The following DCLRE1C variants were observed in gnomAD, a reference collection of about 807,000 sequenced individuals.
DCLRE1C encodes the protein protein artemis.
DCLRE1C carries 47 observed loss-of-function variants against 61.4 expected under a neutral mutation model. The ratio of observed to expected loss-of-function variants is 0.77; its 90% CI spans 0.61 to 0.98. The LOEUF (loss-of-function observed/expected upper bound fraction) is 0.98, where lower values mean the gene tolerates loss of function less well. DCLRE1C is among the 50% of genes least tolerant of loss of function. The probability of loss-of-function intolerance (pLI) is 0.00; values close to 1 mark genes in which losing one functional copy is unlikely to be tolerated. For missense variants in DCLRE1C, 858 were observed against 816.0 expected, an observed-to-expected ratio of 1.05 and a Z score of -0.63; for synonymous variants, 337 against 287.6, an observed-to-expected ratio of 1.17 and a Z score of -1.74.
chr10:14,901,537 C>T (rs1005799365), downstream of DCLRE1C, among the ~76,000 whole-genome samples: 1 of 151,398 alleles, frequency 6.6e-6, no homozygotes, highest in Non-Finnish European at 1.5e-5. Context: ...TAATACTGTA[C>T]TACTTGTCTT....
rs762532423 is a variant in DCLRE1C, at chr10:14,934,444, T to A, written c.614A>T (p.Asn205Ile). 8.1e-6 allele frequency: 13 copies of A among 1,614,028 alleles called. No individual in the cohort carries two copies. The highest frequency in any genetic ancestry group is 1.1e-5 in the Non-Finnish European group (13 of 1,180,046). ...TRSPYHVVWLNCKAAYGYEYL... is the reference protein window; with the variant it reads ...TRSPYHVVWLICKAAYGYEYL... ...TTCATAGCCATAAGCCGCTTTGCAG[T>A]TCAGCCACACAACATGGTACGGGCT... is the stretch of plus-strand genomic sequence containing the variant. Residue 205 changes from asparagine (N) to isoleucine (I), a missense_variant, in exon 8 of 14, where the codon AAC becomes ATC. Asn to Ile is a moderately radical substitution (Grantham distance 149). This residue lies in a region of DCLRE1C where 843 missense variants were observed against 783.5 expected (regional missense o/e 1.08). Coordinates refer to ENST00000378278, the MANE Select transcript of DCLRE1C (RefSeq NM_001033855.3).
chr10:14,948,773 T>C (rs1440254954), intron 2 of DCLRE1C, among the ~76,000 whole-genome samples: 1 of 147,544 alleles, frequency 6.8e-6, no homozygotes, highest in East Asian at 2.0e-4. Context: ...GGTAGGATTA[T>C]ATATATATAT....
chr10:14,919,332 AATG>A (rs41299726), intron 13 of DCLRE1C, among the ~76,000 whole-genome samples: 1,905 of 152,316 alleles, frequency 0.013, 37 homozygotes, highest in African/African-American at 0.042. Flanking sequence ...CTTGATCAGA[AATG>A]ATGATGAGAA....
At chr10:14,912,718 C>G (rs1393210593) in intron 13 of DCLRE1C, among the ~76,000 whole-genome samples, 1 of 152,210 alleles carries the variant, frequency 6.6e-6, no homozygotes, top group Non-Finnish European at 1.5e-5. Context: ...GAGACAGAGT[C>G]TCGCTCTGTC....
rs1481498736 is a variant in DCLRE1C at position 14,908,399 on chromosome 10, T to C, written c.*9A>G. On this transcript the variant is annotated 3_prime_UTR_variant, in exon 14 of 14. Transcript: ENST00000378278. Reference sequence around the variant, plus strand: ...TAGTGGTTGCTCTAGGTTGAAACGCTTTGAATTCTTAGGTATCTAAGAGTG... The same window carrying C: ...TAGTGGTTGCTCTAGGTTGAAACGCCTTGAATTCTTAGGTATCTAAGAGTG... 2 of 1,609,746 alleles carry C rather than the reference T, an allele frequency of 1.2e-6. No individual in the cohort carries two copies. Among genetic ancestry groups the C allele is most frequent in the African/African-American group, 2.7e-5 (2 of 74,800 alleles).
Position 14,928,096 on chromosome 10 carries a change from T to G in DCLRE1C, c.837A>C (p.Arg279Ser), listed in dbSNP as rs1452524557. 6.2e-7 allele frequency: 1 copy of G among 1,613,698 alleles called. No homozygotes were observed. Among genetic ancestry groups the G allele is most frequent in the Non-Finnish European group, 8.5e-7 (1 of 1,179,722 alleles). Residue 279 changes from arginine to serine, a missense_variant, in exon 10 of 14, where the codon AGA becomes AGC. Physicochemically the swap from Arg to Ser is moderately radical, Grantham distance 110. Around this residue, in one of 2 missense-constraint regions of DCLRE1C, gnomAD observed 843 missense variants for 783.5 expected, o/e 1.08. Transcript: ENST00000378278. ...TAATGCTGATTATGTGGAGTGGAAT[T>G]CTATTTCTGGAAGTAATTCCACAGG... Reference protein sequence around the residue: ...KLPCGITSRNRIPLHIISIKP... With the variant: ...KLPCGITSRNSIPLHIISIKP...
At chr10:14,934,984 T>G (rs1442824921) in intron 6 of DCLRE1C, among the ~76,000 whole-genome samples, 1 of 151,652 alleles carries the variant, frequency 6.6e-6, no homozygotes. Flanking sequence ...CACCACACCT[T>G]GCTAATTTTT....
intron 5 of DCLRE1C, 73 bp downstream of exon 5, chr10:14,936,465 C>A (rs1207059508): frequency 1.9e-5 from 24 of 1,263,196 alleles, no homozygotes; most frequent in Non-Finnish European, 2.5e-5. Flanking sequence ...AATTTTAGAC[C>A]CTAAAAATTT....
Position 14,936,597 on chromosome 10 carries a change from A to C in DCLRE1C, c.307-4T>G. ...GAGTCACAACAATCTCTTCCTTCTAAAAAGAAAATAAAGAAAAAATAGTAA... is the reference window on the plus strand; with the variant it reads ...GAGTCACAACAATCTCTTCCTTCTACAAAGAAAATAAAGAAAAAATAGTAA... On this transcript the variant is annotated splice_polypyrimidine_tract_variant and splice_region_variant and intron_variant, in intron 4 of 13. Coordinates refer to ENST00000378278, the MANE Select transcript of DCLRE1C (RefSeq NM_001033855.3). 1 of 1,609,772 alleles carries C rather than the reference A, an allele frequency of 6.2e-7. No individual in the cohort carries two copies. The highest frequency in any genetic ancestry group is 8.5e-7 in the Non-Finnish European group (1 of 1,176,548).
At position 14,936,463 on chromosome 10, in the gene DCLRE1C, A is replaced by C. The variant is rs1839937216; in HGVS notation, c.362+75T>G. The C allele has an allele frequency of 2.5e-6, 3 of 1,212,370 alleles. No individual in the cohort carries two copies. The South Asian group carries it at 3.8e-5, about 15-fold the overall frequency. The allele number at this position is 1,212,370 out of a possible 1,614,324, so 75.1% of individuals were successfully genotyped here. A position where few individuals can be genotyped will look rare whatever the true frequency, so the allele number is the denominator to read the frequency against. ...GCACCCAGCCCCCTATTAATTTTAGACCCTAAAAATTTATTTCTACAAATA... is the reference window on the plus strand; with the variant it reads ...GCACCCAGCCCCCTATTAATTTTAGCCCCTAAAAATTTATTTCTACAAATA... On this transcript the variant is annotated intron_variant, in intron 5 of 13. Transcript: ENST00000378278.
At chr10:14,954,112 A>T, upstream of DCLRE1C, 1 of 1,582,528 alleles carries the variant, frequency 6.3e-7, no homozygotes, top group East Asian at 2.3e-5. Flanking sequence ...CTGCCTCGCC[A>T]TTGGGCGGCC....
chr10:14,909,847 G>A (rs549365955), intron 13 of DCLRE1C, among the ~76,000 whole-genome samples: 1 of 152,232 alleles, frequency 6.6e-6, no homozygotes, highest in African/African-American at 2.4e-5. Context: ...TTATGCACAA[G>A]GTTGCAACAG....
intron 13 of DCLRE1C, among the ~76,000 whole-genome samples, chr10:14,915,205 C>T (rs76473329): frequency 0.012 from 1,774 of 151,990 alleles, 41 homozygotes; most frequent in African/African-American, 0.041. Context: ...CTCAAATCAA[C>T]GACCTCAGCT....
chr10:14,917,291 A>G (rs1283179719), intron 13 of DCLRE1C, among the ~76,000 whole-genome samples: 1 of 152,224 alleles, frequency 6.6e-6, no homozygotes. Context: ...TAAAATTGTA[A>G]CAACTTCTGG....
At chr10:14,909,499 A>G (rs375028842) in intron 13 of DCLRE1C, among the ~76,000 whole-genome samples, 169 bp from the exon 14 acceptor site, 2 of 152,274 alleles carry the variant, frequency 1.3e-5, no homozygotes, top group African/African-American at 4.8e-5. Context: ...CCATCCTTCA[A>G]CTTTTTATAA....
At chr10:14,925,698 T>C (rs530423648) in intron 11 of DCLRE1C, among the ~76,000 whole-genome samples, 3 of 152,094 alleles carry the variant, frequency 2.0e-5, no homozygotes, top group Non-Finnish European at 4.4e-5. Flanking sequence ...CACGTTACAG[T>C]CCTCCCGTGC....
rs1353839146 is a variant in DCLRE1C at position 14,905,744 on chromosome 10, G to GGAGGCC, written c.*2658_*2663dup. Among the ~76,000 whole-genome samples, 11 of 152,188 alleles carry GGAGGCC rather than the reference G, an allele frequency of 7.2e-5. 1 individual carries two copies. The highest frequency in any genetic ancestry group is 2.7e-4 in the African/African-American group (11 of 41,450). On this transcript the variant is annotated 3_prime_UTR_variant, in exon 14 of 14. Coordinates refer to ENST00000378278, the MANE Select transcript of DCLRE1C (RefSeq NM_001033855.3). The stretch of plus-strand genomic sequence containing the variant: ...TGACGCCTGTAATCCCAGCACTTTG[G>GGAGGCC]GAGGCCGAGGCGAGTGGATCACCAG...
chr10:14,902,620 T>C (rs1834102071), downstream of DCLRE1C: 1 of 703,852 alleles, frequency 1.4e-6, no homozygotes, highest in East Asian at 3.0e-5. Flanking sequence ...CCTATGTTAA[T>C]TTACAATTCA....
At chr10:14,945,321 C>A in intron 2 of DCLRE1C, 132 bp from the exon 3 acceptor site, 1 of 1,396,080 alleles carries the variant, frequency 7.2e-7, no homozygotes, top group Non-Finnish European at 9.5e-7. Flanking sequence ...AAACCCCATC[C>A]CTAATAAAAA....
Sources: gnomAD v4.1 joint callset for allele counts (sites outside exome capture counted in the v4.1 genomes callset) on GRCh38, gnomAD v4.1.1 for gene constraint, gnomAD v4.1.1 regional missense constraint, MANE v1.5 for transcripts, NCBI Gene and HGNC (gene_info 2026-07-23, HGNC 2026-07-21) for gene names.